The following KIAA1958 variants were observed in gnomAD, a reference collection of about 807,000 sequenced individuals.
KIAA1958 encodes the protein uncharacterized protein KIAA1958.
A neutral mutation model predicts 47.2 loss-of-function variants in KIAA1958; 14 were observed. The observed-to-expected ratio is 0.30, with a 90% CI of 0.20 to 0.46. The LOEUF is 0.46. Among genes scored for constraint, KIAA1958 ranks in the 20% least tolerant of loss-of-function variants. The pLI is 1.00. For synonymous variants in KIAA1958, 354 were observed against 353.3 expected, an observed-to-expected ratio of 1.00 and a Z score of -0.02; for missense variants, 803 against 909.2, an observed-to-expected ratio of 0.88 and a Z score of 1.50.
chr9:112,504,574 A>G (rs113948561), intron 1 of KIAA1958, among the ~76,000 whole-genome samples: 1 of 152,280 alleles, frequency 6.6e-6, no homozygotes, highest in Middle Eastern at 3.4e-3. Context: ...AGTTCCTTTC[A>G]TTGTATGTTT....
chr9:112,553,827 G>A (rs867471103), intron 1 of KIAA1958, among the ~76,000 whole-genome samples: 11 of 152,170 alleles, frequency 7.2e-5, no homozygotes, highest in African/African-American at 2.7e-4. Flanking sequence ...CTACATAAAT[G>A]AGAGTAAGAA....
chr9:112,510,446 T>C (rs1834307566), intron 1 of KIAA1958, among the ~76,000 whole-genome samples: 1 of 152,222 alleles, frequency 6.6e-6, no homozygotes, highest in African/African-American at 2.4e-5. Flanking sequence ...TTCAGCATGT[T>C]TAAAATTTCT....
At chr9:112,570,426 G>A (rs945276342) in intron 1 of KIAA1958, among the ~76,000 whole-genome samples, 1 of 152,210 alleles carries the variant, frequency 6.6e-6, no homozygotes, top group Non-Finnish European at 1.5e-5. Context: ...TATTTGGAGG[G>A]TGGTTGTGGT....
chr9:112,534,857 T>C (rs1834824490), intron 1 of KIAA1958, among the ~76,000 whole-genome samples: 3 of 152,214 alleles, frequency 2.0e-5, no homozygotes, highest in Non-Finnish European at 4.4e-5. Context: ...CTTTTTCTTA[T>C]TGATTTATGA....
intron 1 of KIAA1958, among the ~76,000 whole-genome samples, chr9:112,548,992 T>C (rs564676018): frequency 2.0e-5 from 3 of 152,326 alleles, no homozygotes; most frequent in Admixed American, 2.0e-4. Flanking sequence ...CCAGTCCTGC[T>C]GACAGCTTGG....
chr9:112,498,776 T>A (rs549198993), intron 1 of KIAA1958, among the ~76,000 whole-genome samples: 3 of 152,302 alleles, frequency 2.0e-5, no homozygotes, highest in Admixed American at 2.0e-4. Context: ...CTTCTGGCCT[T>A]TTGAAAATAT....
intron 1 of KIAA1958, among the ~76,000 whole-genome samples, chr9:112,553,037 A>C (rs940691270): frequency 3.3e-5 from 5 of 151,656 alleles, no homozygotes; most frequent in Non-Finnish European, 5.9e-5. Flanking sequence ...CTTTGGTTTG[A>C]ATCCTGATTC....
At chr9:112,565,754 A>G (rs1019603809) in intron 1 of KIAA1958, among the ~76,000 whole-genome samples, 6 of 152,252 alleles carry the variant, frequency 3.9e-5, no homozygotes, top group Non-Finnish European at 8.8e-5. Flanking sequence ...CTACTAGTCA[A>G]CATGGTTGCC....
At chr9:112,541,206 C>T (rs1470834243) in intron 1 of KIAA1958, among the ~76,000 whole-genome samples, 1 of 151,894 alleles carries the variant, frequency 6.6e-6, no homozygotes, top group Non-Finnish European at 1.5e-5. Flanking sequence ...GAGTAAGCGT[C>T]CTTGTTTTAA....
intron 1 of KIAA1958, among the ~76,000 whole-genome samples, chr9:112,501,951 A>G (rs1170637991): frequency 6.6e-6 from 1 of 152,276 alleles, no homozygotes; most frequent in Non-Finnish European, 1.5e-5. Context: ...AATAAATAAT[A>G]GATAAAACGT....
intron 1 of KIAA1958, among the ~76,000 whole-genome samples, chr9:112,491,922 C>A (rs1401976806): frequency 1.3e-5 from 2 of 151,968 alleles, no homozygotes; most frequent in Non-Finnish European, 2.9e-5. Flanking sequence ...TATTCTGTCC[C>A]TTCAGTTTTT....
At chr9:112,657,118 T>TG (rs1837165036) in intron 3 of KIAA1958, among the ~76,000 whole-genome samples, 1 of 151,898 alleles carries the variant, frequency 6.6e-6, no homozygotes, top group Non-Finnish European at 1.5e-5. Context: ...TTTTTTGAGA[T>TG]AGAGTCTTGC....
chr9:112,591,183 G>C (rs143667703), intron 2 of KIAA1958, among the ~76,000 whole-genome samples: 1 of 151,918 alleles, frequency 6.6e-6, no homozygotes, highest in Admixed American at 6.6e-5. Context: ...TCCCGGGTTC[G>C]TGCCATTCTC....
At chr9:112,493,187 TC>T (rs1470296422) in intron 1 of KIAA1958, among the ~76,000 whole-genome samples, 2 of 151,764 alleles carry the variant, frequency 1.3e-5, no homozygotes, top group Non-Finnish European at 2.9e-5. Context: ...CAGCTATTGG[TC>T]TTGCTGCTCT....
intron 2 of KIAA1958, among the ~76,000 whole-genome samples, chr9:112,587,979 A>G (rs764799691): frequency 3.3e-5 from 5 of 152,218 alleles, no homozygotes; most frequent in African/African-American, 4.8e-5. Flanking sequence ...AAAATACACA[A>G]TTAAGCAGTA....
At chr9:112,500,356 C>A (rs955463875) in intron 1 of KIAA1958, among the ~76,000 whole-genome samples, 4 of 152,192 alleles carry the variant, frequency 2.6e-5, no homozygotes, top group Non-Finnish European at 2.9e-5. Context: ...CCGCCTTGGC[C>A]TCCCAAAGTG....
rs1317290382 is a variant in KIAA1958, at chr9:112,668,518, G to A, written c.*8449G>A. ...CAATGTCAGTGTTAGAACTAATGCTGGGTTGTTTTGTTTTTTCATTTGCTT... is the reference window on the plus strand; with the variant it reads ...CAATGTCAGTGTTAGAACTAATGCTAGGTTGTTTTGTTTTTTCATTTGCTT... On this transcript the variant is annotated 3_prime_UTR_variant, in exon 4 of 4. Transcript: ENST00000337530. 6.6e-6 allele frequency: 1 copy of A among 152,158 alleles called. No individual in the cohort carries two copies. The highest frequency in any genetic ancestry group is 1.5e-5 in the Non-Finnish European group (1 of 68,034). The allele number at this position is 152,158 out of a possible 1,614,324, so 9.4% of individuals were successfully genotyped here.
intron 1 of KIAA1958, among the ~76,000 whole-genome samples, chr9:112,510,512 T>A (rs1276287214): frequency 1.3e-5 from 2 of 152,254 alleles, no homozygotes; most frequent in Non-Finnish European, 2.9e-5. Flanking sequence ...TCTTAAGAAA[T>A]CTCTGCTTGA....
chr9:112,562,974 T>A (rs963373185), intron 1 of KIAA1958, among the ~76,000 whole-genome samples: 7 of 151,646 alleles, frequency 4.6e-5, no homozygotes, highest in Admixed American at 2.0e-4. Flanking sequence ...ATGAATGTGT[T>A]TTAAATCACA....
Sources: gnomAD v4.1 joint callset for allele counts (sites outside exome capture counted in the v4.1 genomes callset) on GRCh38, gnomAD v4.1.1 for gene constraint, MANE v1.5 for transcripts, NCBI Gene and HGNC (gene_info 2026-07-23, HGNC 2026-07-21) for gene names.